Variants in BCAR3 observed in about 807,000 individuals in gnomAD.
The protein encoded by BCAR3 is breast cancer anti-estrogen resistance protein 3.
BCAR3 carries 37 observed loss-of-function variants against 80.1 expected under a neutral mutation model. The observed-to-expected ratio is 0.46, with a 90% CI of 0.36 to 0.61. The LOEUF (loss-of-function observed/expected upper bound fraction) is 0.61. BCAR3 is among the 20% of genes least tolerant of loss of function. BCAR3 has a pLI of 0.00. For missense variants in BCAR3, 978 were observed against 1,068.2 expected (o/e 0.92, Z 1.18); for synonymous variants, 389 against 418.9 (o/e 0.93, Z 0.87).
chr1:93,631,460 C>A (rs558616020), intron 3 of BCAR3, among the ~76,000 whole-genome samples: 2 of 152,330 alleles, frequency 1.3e-5, no homozygotes, highest in African/African-American at 4.8e-5. Flanking sequence ...TCAGAACCTT[C>A]CAGGCCAATG....
intron 2 of BCAR3, among the ~76,000 whole-genome samples, chr1:93,757,048 T>C (rs1206007702): frequency 6.6e-6 from 1 of 152,166 alleles, no homozygotes; most frequent in Non-Finnish European, 1.5e-5. Context: ...CTAGCTGCAG[T>C]TCCAGTTCAG....
At chr1:93,843,029 G>A (rs1008834818) in intron 2 of BCAR3, among the ~76,000 whole-genome samples, 5 of 152,160 alleles carry the variant, frequency 3.3e-5, no homozygotes, top group East Asian at 1.9e-4. Context: ...TCATTTCAAC[G>A]TTGTGAGTAG....
At chr1:93,717,417 C>T (rs1650225134) in intron 2 of BCAR3, among the ~76,000 whole-genome samples, 1 of 152,186 alleles carries the variant, frequency 6.6e-6, no homozygotes, top group African/African-American at 2.4e-5. Context: ...CCAAGGGCTA[C>T]ATGGAAGTAA....
intron 2 of BCAR3, among the ~76,000 whole-genome samples, chr1:93,718,335 A>G (rs1487248241): frequency 6.6e-6 from 1 of 152,246 alleles, no homozygotes; most frequent in African/African-American, 2.4e-5. Flanking sequence ...GACCCCAAAG[A>G]TGAAGGTAGA....
chr1:93,571,710 T>C lies in BCAR3; in HGVS notation c.1934A>G (p.Tyr645Cys), dbSNP rs146602562. 1,652 of 1,614,126 alleles carry C rather than the reference T, an allele frequency of 1.0e-3. 35 individuals are homozygous for C. In the Admixed American group the frequency reaches 0.025, roughly 25 times the overall value. ...VELKDSMGDL[Y>C]SFSALMKALE... ...GGCTTTCATGAGAGCTGAGAAGGAATAGAGGTCCCCCATGGAATCCTTCAG... is the reference window on the plus strand; with the variant it reads ...GGCTTTCATGAGAGCTGAGAAGGAACAGAGGTCCCCCATGGAATCCTTCAG... Residue 645 changes from tyrosine (Y) to cysteine (C), a missense_variant, in exon 9 of 12, where the codon TAT (tyrosine) becomes TGT (cysteine). Coordinates refer to ENST00000260502, the MANE Select transcript of BCAR3 (RefSeq NM_003567.4).
At chr1:93,835,412 GT>G (rs1291993019) in intron 2 of BCAR3, among the ~76,000 whole-genome samples, 1 of 152,148 alleles carries the variant, frequency 6.6e-6, no homozygotes, top group East Asian at 1.9e-4. Context: ...CTCACGGCCA[GT>G]TTTCCTCCTC....
At chr1:93,756,148 T>G (rs1409004386) in intron 2 of BCAR3, among the ~76,000 whole-genome samples, 1 of 152,210 alleles carries the variant, frequency 6.6e-6, no homozygotes, top group Non-Finnish European at 1.5e-5. Flanking sequence ...GAGTGATCTA[T>G]AACCTAAAAG....
In BCAR3 at chr1:93,788,263, C is replaced by T. The variant is rs1452379143; in HGVS notation, c.-63+57304G>A. On this transcript the variant is annotated intron_variant, in intron 2 of 13. Transcript: ENST00000370244. ...GGTTGATGAAGTTTTATCCATTCTG[C>T]CATTCTGTATCTTTTAAGTGGAGCT... Among the ~76,000 whole-genome samples the T allele has an allele frequency of 2.6e-5, 4 of 152,068 alleles. No homozygotes were observed. The East Asian group carries it at 5.8e-4, about 22-fold the overall frequency.
chr1:93,631,029 T>C (rs778612634), intron 3 of BCAR3, among the ~76,000 whole-genome samples: 24 of 152,232 alleles, frequency 1.6e-4, no homozygotes, highest in Non-Finnish European at 3.1e-4. Context: ...GAAATGTTTC[T>C]ATTGTCTCAC....
rs1283433806 is a variant in BCAR3, at chr1:93,823,648, C to G, written c.-63+21919G>C. The stretch of plus-strand genomic sequence containing the variant: ...CCTCAACCTGGTTGGGAAGTGAAGA[C>G]AAACAAAGAGCTTTTTTAACCTACA... On this transcript the variant is annotated intron_variant, in intron 2 of 13. Transcript: ENST00000370244. Among the ~76,000 whole-genome samples, 4 of 134,954 alleles carry G rather than the reference C, an allele frequency of 3.0e-5. 1 individual carries two copies. Among genetic ancestry groups the G allele is most frequent in the Non-Finnish European group, 6.7e-5 (4 of 59,600 alleles). 88.5% of individuals were successfully genotyped at this position (134,954 alleles called of 152,430 possible).
intron 2 of BCAR3, among the ~76,000 whole-genome samples, chr1:93,735,758 T>C (rs1650951398): frequency 1.3e-5 from 2 of 152,236 alleles, no homozygotes; most frequent in African/African-American, 2.4e-5. Context: ...AGATGATATT[T>C]TGGACCAAGG....
At chr1:93,605,665 A>T (rs1004822469) in intron 3 of BCAR3, 1 of 152,246 alleles carries the variant, frequency 6.6e-6, no homozygotes, top group Non-Finnish European at 1.5e-5. Context: ...AATGCAAATT[A>T]TGAATGATCT....
At chr1:93,742,262 C>T (rs922736123) in intron 2 of BCAR3, among the ~76,000 whole-genome samples, 2 of 152,138 alleles carry the variant, frequency 1.3e-5, no homozygotes, top group African/African-American at 2.4e-5. Flanking sequence ...TGGATTATGC[C>T]TCCTGCTATA....
intron 8 of BCAR3, among the ~76,000 whole-genome samples, chr1:93,573,630 A>AT (rs1422568036): frequency 5.4e-4 from 75 of 139,112 alleles, no homozygotes; most frequent in African/African-American, 1.7e-3. Context: ...TATTATTATT[A>AT]TTATTTTTTT....
chr1:93,847,896 AGCGGCGGCGGCG>A (rs533240277), upstream of BCAR3: 35 of 242,248 alleles, frequency 1.4e-4, no homozygotes, highest in South Asian at 7.7e-4. Context: ...TCCTGAGAAG[AGCGGCGGCGGCG>A]GCGGCGGCGG....
At chr1:93,775,724 T>C (rs959370485) in intron 2 of BCAR3, among the ~76,000 whole-genome samples, 2 of 152,146 alleles carry the variant, frequency 1.3e-5, no homozygotes, top group Non-Finnish European at 2.9e-5. Flanking sequence ...TATGAAAATG[T>C]CTCTAAGATA....
chr1:93,664,627 G>A (rs1557645583), intron 2 of BCAR3, among the ~76,000 whole-genome samples: 1 of 152,196 alleles, frequency 6.6e-6, no homozygotes, highest in Non-Finnish European at 1.5e-5. Context: ...GGTACTGGTT[G>A]ATAAAAACTT....
In BCAR3 at chr1:93,589,213, C is replaced by T. The variant is rs539283934; in HGVS notation, c.693G>A (p.Val231=). ...MESFDSIPGL[V]RCYVGNRRPI... ...GCCGGCGGTTGCCCACGTAGCAGCGCACCAGGCCGGGGATGGAGTCGAAGC... is the reference window on the plus strand; with the variant it reads ...GCCGGCGGTTGCCCACGTAGCAGCGTACCAGGCCGGGGATGGAGTCGAAGC... The change falls in exon 5 of 12, where the codon GTG becomes GTA. Residue 231 remains valine, a synonymous_variant. Coordinates refer to ENST00000260502, the MANE Select transcript of BCAR3 (RefSeq NM_003567.4). 6 of 1,613,952 alleles carry T rather than the reference C, an allele frequency of 3.7e-6. No homozygotes were observed. The South Asian group carries it at 6.6e-5, about 18-fold the overall frequency.
chr1:93,712,268 C>T (rs1416787891), intron 2 of BCAR3, among the ~76,000 whole-genome samples: 1 of 152,232 alleles, frequency 6.6e-6, no homozygotes, highest in Non-Finnish European at 1.5e-5. Flanking sequence ...CCAGGAAAGC[C>T]ACATCTGTCC....
Sources: gnomAD v4.1 joint callset for allele counts (sites outside exome capture counted in the v4.1 genomes callset) on GRCh38, gnomAD v4.1.1 for gene constraint, MANE v1.5 for transcripts, NCBI Gene and HGNC (gene_info 2026-07-23, HGNC 2026-07-21) for gene names.